The following MACROH2A2 variants were observed in gnomAD, a reference collection of about 807,000 sequenced individuals.
MACROH2A2 encodes the protein macroH2A.2 histone.
A neutral mutation model predicts 37.6 loss-of-function variants in MACROH2A2; 6 were observed. That is an observed-to-expected ratio of 0.16 (90% CI 0.09 to 0.32). MACROH2A2 has a LOEUF of 0.32. MACROH2A2 is among the 10% of genes least tolerant of loss of function. The pLI is 1.00. For missense variants in MACROH2A2, 290 were observed against 485.9 expected (o/e 0.60, Z 3.79); for synonymous variants, 192 against 202.7 (o/e 0.95, Z 0.45).
intron 3 of MACROH2A2, among the ~76,000 whole-genome samples, chr10:70,090,568 G>A (rs1034239599): frequency 1.3e-5 from 2 of 152,182 alleles, no homozygotes; most frequent in Admixed American, 6.6e-5. Context: ...AAAGTCAAGC[G>A]AATACCCCCT....
intron 2 of MACROH2A2, among the ~76,000 whole-genome samples, chr10:70,076,151 G>A (rs1414152695): frequency 1.3e-5 from 2 of 152,188 alleles, no homozygotes; most frequent in African/African-American, 4.8e-5. Flanking sequence ...CTAAGCTCCT[G>A]AAGAAAATAA....
chr10:70,084,275 A>C lies in MACROH2A2; in HGVS notation c.173-5785A>C, dbSNP rs561441298. On this transcript the variant is annotated intron_variant, in intron 2 of 8. Transcript: ENST00000373255. ...TGTGGCCGTGCAGGTTGTACACGGC[A>C]CAAGAACACACATTTAAGGGAATAT... Among the ~76,000 whole-genome samples, 3 of 152,378 alleles carry C rather than the reference A, an allele frequency of 2.0e-5. No individual in the cohort carries two copies. The East Asian group carries it at 5.8e-4, about 29-fold the overall frequency.
Position 70,107,722 on chromosome 10 carries a change from G to A in MACROH2A2, c.779-1311G>A, listed in dbSNP as rs192431842. 6.6e-6 allele frequency among the ~76,000 whole-genome samples: 1 copy of A among 152,326 alleles called. No homozygotes were observed. The highest frequency in any genetic ancestry group is 6.5e-5 in the Admixed American group (1 of 15,306). ...TAATTCAGTTTCACAGCCCGCTTTT[G>A]AAACCCCACTCTCTGCAGGGCATGT... On this transcript the variant is annotated intron_variant, in intron 7 of 8. Coordinates refer to ENST00000373255, the MANE Select transcript of MACROH2A2 (RefSeq NM_018649.3). The surrounding 1 kb of genome is among the most constrained non-coding windows in gnomAD (Gnocchi z 4.4).
chr10:70,082,092 A>G (rs2072180467), intron 2 of MACROH2A2, among the ~76,000 whole-genome samples: 1 of 152,216 alleles, frequency 6.6e-6, no homozygotes, highest in African/African-American at 2.4e-5. Flanking sequence ...CAACCAAGCA[A>G]TTCCACTCCT....
At position 70,079,558 on chromosome 10, in the gene MACROH2A2, C is replaced by T. The variant is rs77450889; in HGVS notation, c.172+3728C>T. 2.5e-3 allele frequency among the ~76,000 whole-genome samples: 298 copies of T among 118,382 alleles called. 1 individual carries two copies. The highest frequency in any genetic ancestry group is 0.022 in the East Asian group (88 of 3,928). The allele number at this position is 118,382 out of a possible 152,430, so 77.7% of individuals were successfully genotyped here. Reference sequence around the variant, plus strand: ...GAAGGCCACGTTGAGGGTTCGCGCGCGCGCGCGCACACACACACACACACA... The same window carrying T: ...GAAGGCCACGTTGAGGGTTCGCGCGTGCGCGCGCACACACACACACACACA... On this transcript the variant is annotated intron_variant, in intron 2 of 8. Coordinates refer to ENST00000373255, the MANE Select transcript of MACROH2A2 (RefSeq NM_018649.3).
intron 7 of MACROH2A2, among the ~76,000 whole-genome samples, chr10:70,105,479 G>A (rs1036933328): frequency 6.6e-6 from 1 of 152,190 alleles, no homozygotes; most frequent in Non-Finnish European, 1.5e-5. Flanking sequence ...ATGTGTGCAG[G>A]GGACTGAGCC....
intron 6 of MACROH2A2, among the ~76,000 whole-genome samples, chr10:70,097,182 G>A (rs1410480398): frequency 2.6e-5 from 4 of 152,138 alleles, no homozygotes; most frequent in Admixed American, 2.6e-4. Context: ...TGGGCTAAAG[G>A]CAGTCAGGTG....
rs1223041799 is a variant in MACROH2A2 at position 70,075,168 on chromosome 10, A to G, written c.-59-432A>G. Among the ~76,000 whole-genome samples the G allele has an allele frequency of 2.0e-5, 3 of 152,106 alleles. No individual in the cohort carries two copies. The highest frequency in any genetic ancestry group is 4.4e-5 in the Non-Finnish European group (3 of 68,008). On this transcript the variant is annotated intron_variant, in intron 1 of 8. Transcript: ENST00000373255. This position sits in a 1 kb window ranked among gnomAD's most constrained non-coding sequence, Gnocchi z 5.0. ...CCTGCCTCCGTCTTCTAAGGCAATT[A>G]TGTTAGCCCCATCCAGATAATCCAA... is the stretch of plus-strand genomic sequence containing the variant.
intron 1 of MACROH2A2, among the ~76,000 whole-genome samples, chr10:70,065,580 C>T (rs2136618779): frequency 6.6e-6 from 1 of 152,088 alleles, no homozygotes; most frequent in Non-Finnish European, 1.5e-5. Context: ...CATTAAAGTA[C>T]AGGATGCTAT....
At chr10:70,079,563 G>GCACACACACACACACACA (rs372348727) in intron 2 of MACROH2A2, among the ~76,000 whole-genome samples, 5 of 63,176 alleles carry the variant, frequency 7.9e-5, no homozygotes, top group Non-Finnish European at 1.0e-4. Context: ...GCGCGCGCGC[G>GCACACACACACACACACA]CGCACACACA....
In MACROH2A2 at chr10:70,084,846, CCTGCCT is replaced by C. The variant is rs541667167; in HGVS notation, c.173-5200_173-5195del. On this transcript the variant is annotated intron_variant, in intron 2 of 8. Coordinates refer to ENST00000373255, the MANE Select transcript of MACROH2A2 (RefSeq NM_018649.3). ...TGAATTCCTGAGCTCAAGTGCTCTG[CCTGCCT>C]CTGCCTCTGCCTCCCAAAGTGCTGG... Among the ~76,000 whole-genome samples, 196 of 152,276 alleles carry C rather than the reference CCTGCCT, an allele frequency of 1.3e-3. 1 individual carries two copies. The highest frequency in any genetic ancestry group is 4.1e-3 in the African/African-American group (172 of 41,544).
In MACROH2A2 at chr10:70,080,653, G is replaced by A. The variant is rs1384350327; in HGVS notation, c.172+4823G>A. 2.6e-5 allele frequency among the ~76,000 whole-genome samples: 4 copies of A among 151,798 alleles called. 1 individual carries two copies. The highest frequency in any genetic ancestry group is 2.0e-4 in the Admixed American group (3 of 15,232). ...TTCCAGCACTTTGGGAGATCAAGGC[G>A]AGTGGATCACCTGAGGTCAGGAGTT... On this transcript the variant is annotated intron_variant, in intron 2 of 8. Transcript: ENST00000373255.
intron 2 of MACROH2A2, among the ~76,000 whole-genome samples, chr10:70,076,423 T>A (rs1196603589): frequency 2.0e-5 from 3 of 152,182 alleles, no homozygotes; most frequent in African/African-American, 7.2e-5. Flanking sequence ...GTTGTTAAAG[T>A]TAATTTTTTT....
In MACROH2A2 at chr10:70,111,724, C is replaced by T; in HGVS notation, c.*41C>T. ...GCAGGGATCGGAGGACGACCCGAGT[C>T]CCAAGAGTGGGGTTTTGCTTTTTAA... On this transcript the variant is annotated 3_prime_UTR_variant, in exon 9 of 9. Transcript: ENST00000373255. 2 of 1,516,890 alleles carry T rather than the reference C, an allele frequency of 1.3e-6. No homozygotes were observed. Among genetic ancestry groups the T allele is most frequent in the Non-Finnish European group, 8.9e-7 (1 of 1,127,038 alleles). The allele number at this position is 1,516,890 out of a possible 1,614,324, so 94.0% of individuals were successfully genotyped here. A position where few individuals can be genotyped will look rare whatever the true frequency, so the allele number is the denominator to read the frequency against.
intron 6 of MACROH2A2, chr10:70,098,844 C>T (rs1339233357): frequency 1.3e-5 from 2 of 152,296 alleles, no homozygotes; most frequent in Non-Finnish European, 2.9e-5. Flanking sequence ...CTGTGGTATT[C>T]TCATTCTAGC....
chr10:70,106,677 A>G lies in MACROH2A2; in HGVS notation c.779-2356A>G, dbSNP rs532154676. On this transcript the variant is annotated intron_variant, in intron 7 of 8. Coordinates refer to ENST00000373255, the MANE Select transcript of MACROH2A2 (RefSeq NM_018649.3). ...GCCGGGCATGGTGGCGGGTGCCTGT[A>G]ATCCCAGCCACTTGGGAAGCTGAGG... Among the ~76,000 whole-genome samples, 90 of 152,058 alleles carry G rather than the reference A, an allele frequency of 5.9e-4. No homozygotes were observed. The Middle Eastern group carries it at 0.01, about 17-fold the overall frequency.
At chr10:70,065,607 G>T (rs1186053485) in intron 1 of MACROH2A2, among the ~76,000 whole-genome samples, 1 of 152,092 alleles carries the variant, frequency 6.6e-6, no homozygotes, top group Non-Finnish European at 1.5e-5. Context: ...GGAATAACCT[G>T]AGAACAAAAA....
intron 2 of MACROH2A2, among the ~76,000 whole-genome samples, chr10:70,083,792 A>G (rs2072195254): frequency 6.8e-6 from 1 of 147,766 alleles, no homozygotes; most frequent in Non-Finnish European, 1.5e-5. Context: ...AGAATGCCCC[A>G]TTGACCTGAA....
At chr10:70,064,445 C>T (rs1230234017) in intron 1 of MACROH2A2, among the ~76,000 whole-genome samples, 2 of 152,224 alleles carry the variant, frequency 1.3e-5, no homozygotes, top group Non-Finnish European at 2.9e-5. Context: ...AACCTCCCTG[C>T]TCATTCTGGC....
Sources: gnomAD v4.1 joint callset for allele counts (sites outside exome capture counted in the v4.1 genomes callset) on GRCh38, gnomAD v4.1.1 for gene constraint, Gnocchi (gnomAD v3.1) non-coding constraint, MANE v1.5 for transcripts, NCBI Gene and HGNC (gene_info 2026-07-23, HGNC 2026-07-21) for gene names.